NEK11: variants seen among roughly 807,000 people sequenced by gnomAD.
NEK11 encodes the protein NIMA related kinase 11.
NEK11 carries 72 observed loss-of-function variants against 80.7 expected under a neutral mutation model. That is an observed-to-expected ratio of 0.89 (90% CI 0.74 to 1.08). The LOEUF (loss-of-function observed/expected upper bound fraction) is 1.08. Among genes scored for constraint, NEK11 ranks in the 50% least tolerant of loss-of-function variants. The probability of loss-of-function intolerance (pLI) is 0.00; values close to 1 mark genes in which losing one functional copy is unlikely to be tolerated. For synonymous variants in NEK11, 251 were observed against 260.7 expected (o/e 0.96, Z 0.36); for missense variants, 764 against 763.6 (o/e 1.00, Z -0.01).
intron 16 of NEK11, among the ~76,000 whole-genome samples, chr3:131,253,047 G>A (rs1411425764): frequency 6.6e-6 from 1 of 152,078 alleles, no homozygotes; most frequent in Non-Finnish European, 1.5e-5. Context: ...AGCTTCCTTA[G>A]AAGTGGTATT....
intron 3 of NEK11, among the ~76,000 whole-genome samples, chr3:131,076,916 A>C (rs533081364): frequency 6.6e-6 from 1 of 152,312 alleles, no homozygotes; most frequent in South Asian, 2.1e-4. Context: ...GAAGCAGTGT[A>C]TGCTGCTGGT....
chr3:131,208,112 G>A (rs1011756490), intron 14 of NEK11, among the ~76,000 whole-genome samples: 47 of 152,168 alleles, frequency 3.1e-4, no homozygotes, highest in African/African-American at 1.1e-3. Context: ...TAACATTTAG[G>A]TCTTTAATCC....
intron 3 of NEK11, among the ~76,000 whole-genome samples, chr3:131,042,214 T>TA (rs962804944): frequency 1.3e-5 from 2 of 151,306 alleles, no homozygotes; most frequent in Non-Finnish European, 3.0e-5. Flanking sequence ...GTTTTTTGTT[T>TA]TTTTTTTCCC....
At chr3:131,071,916 C>A (rs2073403604) in intron 3 of NEK11, among the ~76,000 whole-genome samples, 1 of 152,152 alleles carries the variant, frequency 6.6e-6, no homozygotes, top group African/African-American at 2.4e-5. Context: ...TTCTTCTAAT[C>A]TTTTTATACA....
At chr3:131,273,746 T>G (rs576162375) in intron 17 of NEK11, among the ~76,000 whole-genome samples, 172 bp downstream of exon 17, 2 of 152,346 alleles carry the variant, frequency 1.3e-5, no homozygotes, top group Admixed American at 1.3e-4. Context: ...CTTTCTGTAT[T>G]GGTGCTGGTC....
Position 131,152,399 on chromosome 3 carries a change from G to A in NEK11, c.659G>A (p.Cys220Tyr), listed in dbSNP as rs756777968. 1 of 1,599,944 alleles carries A rather than the reference G, an allele frequency of 6.3e-7. No individual in the cohort carries two copies. The highest frequency in any genetic ancestry group is 8.5e-7 in the Non-Finnish European group (1 of 1,174,620). ...DTKSDIWSLA[C>Y]ILYEMCCMNH... ...GACTTTGTCTTCAGGTCACTGGCAT[G>A]CATTTTGTATGAGATGTGCTGCATG... Residue 220 changes from cysteine (C) to tyrosine (Y), a missense_variant, in exon 8 of 18, where the codon TGC becomes TAC. Physicochemically the swap from Cys to Tyr is radical, Grantham distance 194. Transcript: ENST00000383366.
At chr3:131,129,717 A>G (rs2084072849) in intron 5 of NEK11, among the ~76,000 whole-genome samples, 1 of 152,184 alleles carries the variant, frequency 6.6e-6, no homozygotes, top group Non-Finnish European at 1.5e-5. Context: ...GTTCCATTGC[A>G]TTGCCTTTGC....
chr3:131,132,688 G>A (rs2084721385), intron 5 of NEK11, 57 bp from the exon 6 acceptor site: 1 of 856,416 alleles, frequency 1.2e-6, no homozygotes, highest in Non-Finnish European at 1.9e-6. Context: ...TATTTACATG[G>A]GGATTTAAAA....
chr3:131,138,110 G>A (rs1406355910), intron 7 of NEK11, among the ~76,000 whole-genome samples: 2 of 152,150 alleles, frequency 1.3e-5, no homozygotes, highest in Non-Finnish European at 2.9e-5. Flanking sequence ...AGATCTTGGA[G>A]TCCCTGATTT....
At chr3:131,331,852 T>C (rs1445443412) in intron 17 of NEK11, among the ~76,000 whole-genome samples, 1 of 152,190 alleles carries the variant, frequency 6.6e-6, no homozygotes. Flanking sequence ...CCACAGAGTC[T>C]CGCTGATTGC....
intron 14 of NEK11, among the ~76,000 whole-genome samples, chr3:131,228,091 A>G (rs1257983602): frequency 6.6e-6 from 1 of 152,082 alleles, no homozygotes; most frequent in Non-Finnish European, 1.5e-5. Flanking sequence ...AAAAAAAGAA[A>G]TATCTAGGAA....
intron 3 of NEK11, among the ~76,000 whole-genome samples, chr3:131,051,115 A>G (rs2068329335): frequency 1.3e-5 from 2 of 152,260 alleles, no homozygotes; most frequent in Admixed American, 6.5e-5. Flanking sequence ...CTTAAGCCAG[A>G]CTACTTAATT....
chr3:131,207,936 G>C (rs1220293588), intron 14 of NEK11, among the ~76,000 whole-genome samples: 1 of 152,162 alleles, frequency 6.6e-6, no homozygotes, highest in Non-Finnish European at 1.5e-5. Flanking sequence ...TCTGATCGTG[G>C]TTTCTTTTGC....
At chr3:131,255,940 G>C (rs1009265710) in intron 16 of NEK11, among the ~76,000 whole-genome samples, 4 of 152,096 alleles carry the variant, frequency 2.6e-5, no homozygotes, top group Non-Finnish European at 5.9e-5. Context: ...ATCGATAAAT[G>C]CTGCTTGCCT....
At chr3:131,198,667 C>G (rs1456718426) in intron 14 of NEK11, among the ~76,000 whole-genome samples, 1 of 152,208 alleles carries the variant, frequency 6.6e-6, no homozygotes. Context: ...GGGTTGCAAG[C>G]TCATCCCTCG....
At chr3:131,261,214 G>A (rs748733533) in intron 16 of NEK11, among the ~76,000 whole-genome samples, 6 of 152,180 alleles carry the variant, frequency 3.9e-5, no homozygotes, top group Non-Finnish European at 8.8e-5. Context: ...ACTATTATGA[G>A]CTGTGCTTTG....
chr3:131,161,090 G>T (rs1332079085), intron 10 of NEK11, among the ~76,000 whole-genome samples: 1 of 151,398 alleles, frequency 6.6e-6, no homozygotes. Flanking sequence ...GGCTGAGGTT[G>T]GAGTGAGCCG....
intron 5 of NEK11, among the ~76,000 whole-genome samples, chr3:131,114,375 C>T (rs2080674893): frequency 6.6e-6 from 1 of 152,160 alleles, no homozygotes; most frequent in South Asian, 2.1e-4. Flanking sequence ...GGGAGTCATG[C>T]TGTATTAACA....
intron 17 of NEK11, among the ~76,000 whole-genome samples, chr3:131,321,568 C>T (rs774985545): frequency 1.3e-5 from 2 of 152,056 alleles, no homozygotes; most frequent in Non-Finnish European, 2.9e-5. Context: ...AACAGACAAC[C>T]TACAGAATGG....
Sources: allele counts gnomAD v4.1 joint callset (sites outside exome capture counted in the v4.1 genomes callset), GRCh38; gene constraint gnomAD v4.1.1; transcripts MANE v1.5; gene names NCBI Gene and HGNC (gene_info 2026-07-23, HGNC 2026-07-21).